STAC: variants seen among roughly 807,000 people sequenced by gnomAD.
STAC encodes the protein SH3 and cysteine-rich domain-containing protein.
STAC carries 43 observed loss-of-function variants against 48.8 expected under a neutral mutation model. The observed-to-expected ratio is 0.88, with a 90% CI of 0.69 to 1.14. The LOEUF is 1.14. STAC is among the 50% of genes most tolerant of loss of function. The pLI is 0.00. For synonymous variants in STAC, 193 were observed against 179.5 expected, an observed-to-expected ratio of 1.07 and a Z score of -0.60; for missense variants, 497 against 504.0, an observed-to-expected ratio of 0.99 and a Z score of 0.13.
In STAC at chr3:36,443,771, G is replaced by T; in HGVS notation, c.388+131G>T. The T allele has an allele frequency of 1.6e-6, 2 of 1,217,178 alleles. No individual in the cohort carries two copies. The highest frequency in any genetic ancestry group is 2.3e-6 in the Non-Finnish European group (2 of 876,214). 75.4% of individuals were successfully genotyped at this position (1,217,178 alleles called of 1,614,324 possible). On this transcript the variant is annotated intron_variant, in intron 2 of 10. Transcript: ENST00000273183. This position sits in a 1 kb window ranked among gnomAD's most constrained non-coding sequence, Gnocchi z 4.2. ...GATTTACATGTGGGAAGATCATTCAGGAGTGCTTTGGGGAACAATATTTGT... is the reference window on the plus strand; with the variant it reads ...GATTTACATGTGGGAAGATCATTCATGAGTGCTTTGGGGAACAATATTTGT...
intron 6 of STAC, among the ~76,000 whole-genome samples, chr3:36,495,579 T>C (rs893595555): frequency 6.6e-6 from 1 of 152,262 alleles, no homozygotes; most frequent in Non-Finnish European, 1.5e-5. Context: ...ATGTGCTCAC[T>C]GCTTAACTCT....
rs767236540 is a variant in STAC at position 36,546,288 on chromosome 3, G to A, written c.1208G>A (p.Ter403=). 1.9e-6 allele frequency: 3 copies of A among 1,613,576 alleles called. No individual in the cohort carries two copies. The South Asian group carries it at 3.3e-5, about 18-fold the overall frequency. The change falls in exon 11 of 11, where the codon TGA becomes TAA. Residue 403 remains the stop codon, a stop_retained_variant. Transcript: ENST00000273183. Reference sequence around the variant, plus strand: ...CCCCTTGATGTACTAGAAAACATCTGATTGCTGGCTCCTCCTCCGTTTGCA... The same window carrying A: ...CCCCTTGATGTACTAGAAAACATCTAATTGCTGGCTCCTCCTCCGTTTGCA... ...LIPLDVLENI[*]
At chr3:36,502,613 C>T (rs1698307154) in intron 6 of STAC, among the ~76,000 whole-genome samples, 2 of 152,190 alleles carry the variant, frequency 1.3e-5, no homozygotes, top group Admixed American at 1.3e-4. Context: ...CCTTTTAGGC[C>T]AAATCAAGAA....
At chr3:36,526,342 C>A (rs1395366342) in intron 8 of STAC, among the ~76,000 whole-genome samples, 1 of 152,150 alleles carries the variant, frequency 6.6e-6, no homozygotes, top group East Asian at 1.9e-4. Flanking sequence ...TCCCTTGAGT[C>A]TGAACTGGCC....
intron 1 of STAC, among the ~76,000 whole-genome samples, chr3:36,425,226 T>C (rs1700536513): frequency 6.6e-6 from 1 of 152,216 alleles, no homozygotes; most frequent in African/African-American, 2.4e-5. Context: ...TCACCAGTAA[T>C]GGAAGACGTT....
At chr3:36,537,073 A>G (rs184095313) in intron 10 of STAC, among the ~76,000 whole-genome samples, 6 of 152,314 alleles carry the variant, frequency 3.9e-5, no homozygotes, top group Admixed American at 1.3e-4. Flanking sequence ...CTGTGGAGAA[A>G]TAGGAATGCT....
rs140524127 is a variant in STAC at position 36,397,582 on chromosome 3, T to C, written c.111+16828T>C. Among the ~76,000 whole-genome samples, 459 of 152,268 alleles carry C rather than the reference T, an allele frequency of 3.0e-3. 1 individual carries two copies. Among genetic ancestry groups the C allele is most frequent in the Non-Finnish European group, 3.9e-3 (263 of 68,018 alleles). On this transcript the variant is annotated intron_variant, in intron 1 of 10. Transcript: ENST00000273183. ...AAATCCAGTTTACAAAAATAAAGCA[T>C]ACAGTTTATGCTTCTTCCCATGAAT... is the stretch of plus-strand genomic sequence containing the variant.
In STAC at chr3:36,547,563, T is replaced by C. The variant is rs1467626225; in HGVS notation, c.*1274T>C. ...AGTCATTAACATGGTTAAACTTCAA[T>C]TCACAATCACCTTGGAATCAATGTC... On this transcript the variant is annotated 3_prime_UTR_variant, in exon 11 of 11. Transcript: ENST00000273183. The C allele has an allele frequency of 2.0e-5, 3 of 152,670 alleles. No homozygotes were observed. The highest frequency in any genetic ancestry group is 2.9e-5 in the Non-Finnish European group (2 of 68,044). The allele number at this position is 152,670 out of a possible 1,614,324, so 9.5% of individuals were successfully genotyped here.
At chr3:36,484,689 T>A (rs1697752653) in intron 3 of STAC, among the ~76,000 whole-genome samples, 2 of 152,174 alleles carry the variant, frequency 1.3e-5, no homozygotes, top group African/African-American at 4.8e-5. Context: ...GGATCTGGGA[T>A]GCAAAGGAGG....
chr3:36,386,416 A>G (rs1021834827), intron 1 of STAC, among the ~76,000 whole-genome samples: 3 of 151,554 alleles, frequency 2.0e-5, no homozygotes, highest in African/African-American at 7.3e-5. Flanking sequence ...TGAAAAAAAA[A>G]AGGCTTACCT....
intron 6 of STAC, among the ~76,000 whole-genome samples, chr3:36,501,302 A>G (rs1477393228): frequency 6.6e-6 from 1 of 152,166 alleles, no homozygotes; most frequent in Non-Finnish European, 1.5e-5. Context: ...GGAAAATAAA[A>G]TAGAATAAAC....
intron 1 of STAC, among the ~76,000 whole-genome samples, chr3:36,427,251 C>G (rs543637621): frequency 2.0e-5 from 3 of 152,350 alleles, no homozygotes; most frequent in African/African-American, 7.2e-5. Context: ...ATGAAGAACA[C>G]TGTGAGCCTG....
rs538973575 is a variant in STAC at position 36,450,849 on chromosome 3, C to T, written c.388+7209C>T. Reference sequence around the variant, plus strand: ...CAGTGGCATCTCATCCCATTTAAAGCTTCTGTCATTAATTCTACTTTAATA... The same window carrying T: ...CAGTGGCATCTCATCCCATTTAAAGTTTCTGTCATTAATTCTACTTTAATA... On this transcript the variant is annotated intron_variant, in intron 2 of 10. Transcript: ENST00000273183. Among the ~76,000 whole-genome samples the T allele has an allele frequency of 5.3e-5, 8 of 152,248 alleles. No homozygotes were observed. In the East Asian group the frequency reaches 1.5e-3, roughly 29 times the overall value.
intron 8 of STAC, among the ~76,000 whole-genome samples, chr3:36,522,006 C>T (rs1027165608): frequency 2.0e-5 from 3 of 151,976 alleles, no homozygotes. Flanking sequence ...GAGGATTGCT[C>T]AAGCCCAGGA....
chr3:36,413,435 T>C (rs1700242397), intron 1 of STAC, among the ~76,000 whole-genome samples: 1 of 152,232 alleles, frequency 6.6e-6, no homozygotes, highest in Admixed American at 6.5e-5. Flanking sequence ...GTAATGGCCT[T>C]CTTTGTCTCT....
chr3:36,408,231 G>A (rs1175723979), intron 1 of STAC, among the ~76,000 whole-genome samples: 3 of 152,122 alleles, frequency 2.0e-5, no homozygotes, highest in African/African-American at 7.2e-5. Context: ...CTCTCCATAG[G>A]CCCTGCCCAC....
At chr3:36,471,755 G>A (rs1452243754) in intron 2 of STAC, among the ~76,000 whole-genome samples, 2 of 152,224 alleles carry the variant, frequency 1.3e-5, no homozygotes, top group African/African-American at 4.8e-5. Flanking sequence ...GATGCAAGAG[G>A]TGGGTTCCCA....
chr3:36,526,203 G>C (rs80172692), intron 8 of STAC, among the ~76,000 whole-genome samples: 1 of 152,166 alleles, frequency 6.6e-6, no homozygotes, highest in African/African-American at 2.4e-5. Context: ...ACTGAAAAGC[G>C]TGAGAGTCTG....
At chr3:36,441,464 T>C (rs1385656338) in intron 1 of STAC, among the ~76,000 whole-genome samples, 1 of 152,196 alleles carries the variant, frequency 6.6e-6, no homozygotes, top group Non-Finnish European at 1.5e-5. Flanking sequence ...ATCATGTACA[T>C]GTACCATATT....
Sources: gnomAD v4.1 joint callset for allele counts (sites outside exome capture counted in the v4.1 genomes callset) on GRCh38, gnomAD v4.1.1 for gene constraint, Gnocchi (gnomAD v3.1) non-coding constraint, MANE v1.5 for transcripts, NCBI Gene and HGNC (gene_info 2026-07-23, HGNC 2026-07-21) for gene names.